The following MEGF8 variants were observed in gnomAD, a reference collection of about 807,000 sequenced individuals.
The protein encoded by MEGF8 is multiple epidermal growth factor-like domains protein 8.
Under a neutral mutation model 302.9 loss-of-function variants are expected in MEGF8, and 156 were observed. That is an observed-to-expected ratio of 0.52 (90% CI 0.45 to 0.59). The LOEUF (loss-of-function observed/expected upper bound fraction) is 0.59, where lower values mean the gene tolerates loss of function less well. Among genes scored for constraint, MEGF8 ranks in the 20% least tolerant of loss-of-function variants. MEGF8 has a pLI of 0.00. For synonymous variants in MEGF8, 1,621 were observed against 1,660.5 expected, an observed-to-expected ratio of 0.98 and a Z score of 0.58; for missense variants, 3,345 against 3,964.5, an observed-to-expected ratio of 0.84 and a Z score of 4.20.
In MEGF8 at chr19:42,351,648, T is replaced by C. The variant is rs935216438; in HGVS notation, c.2988T>C (p.Ser996=). Residue 996 remains serine (S), a splice_region_variant and synonymous_variant, in exon 18 of 42, where the codon AGT becomes AGC. Coordinates refer to ENST00000251268, the MANE Select transcript of MEGF8 (RefSeq NM_001271938.2). The surrounding 1 kb of genome is among the most constrained non-coding windows in gnomAD (Gnocchi z 5.6). The part of the protein sequence containing the change: ...PHGGCRGWDD[S]VHSEPRCRSC... ...GACCCCCACCCCTGCCATCCTGCAG[T>C]GTACACTCGGAGCCACGGTGCCGGA... is the stretch of plus-strand genomic sequence containing the variant. 8 of 1,590,060 alleles carry C rather than the reference T, an allele frequency of 5.0e-6. No homozygotes were observed. Among genetic ancestry groups the C allele is most frequent in the African/African-American group, 1.3e-5 (1 of 74,310 alleles).
Position 42,376,578 on chromosome 19 carries a change from G to T in MEGF8, c.8341G>T (p.Ala2781Ser). The T allele has an allele frequency of 1.3e-6, 2 of 1,551,806 alleles. No individual in the cohort carries two copies. Among genetic ancestry groups the T allele is most frequent in the East Asian group, 2.4e-5 (1 of 41,192 alleles). The change falls in exon 42 of 42, where the codon GCC (alanine) becomes TCC (serine). Residue 2781 changes from alanine to serine, a missense_variant. Physicochemically the swap from Ala to Ser is moderately conservative, Grantham distance 99 (BLOSUM62 1). Transcript: ENST00000251268. The surrounding 1 kb of genome is among the most constrained non-coding windows in gnomAD (Gnocchi z 8.2). Reference sequence around the variant, plus strand: ...CACAGAAGATGGCATGGCTGGCGTGGCCACACTGCTGCTCCAGCTGCCTGG... The same window carrying T: ...CACAGAAGATGGCATGGCTGGCGTGTCCACACTGCTGCTCCAGCTGCCTGG... Reference protein sequence around the residue: ...EPTEDGMAGVATLLLQLPGGP... With the variant: ...EPTEDGMAGVSTLLLQLPGGP...
Position 42,357,479 on chromosome 19 carries a change from G to C in MEGF8, c.4906G>C (p.Val1636Leu). Residue 1636 changes from valine (V) to leucine (L), a missense_variant, in exon 28 of 42, where the codon GTG becomes CTG. By Grantham distance (32) the Val-to-Leu change is conservative. Coordinates refer to ENST00000251268, the MANE Select transcript of MEGF8 (RefSeq NM_001271938.2). The surrounding 1 kb of genome is among the most constrained non-coding windows in gnomAD (Gnocchi z 5.2). Reference sequence around the variant, plus strand: ...CCGCCGAGGCCTGTCTCTGCTCCTGGTGGGCGGTTACTCCCCGGAAAATGG... The same window carrying C: ...CCGCCGAGGCCTGTCTCTGCTCCTGCTGGGCGGTTACTCCCCGGAAAATGG... ...TARRGLSLLLVGGYSPENGFN... is the reference protein window; with the variant it reads ...TARRGLSLLLLGGYSPENGFN... The C allele has an allele frequency of 6.2e-7, 1 of 1,613,818 alleles. No individual in the cohort carries two copies. The highest frequency in any genetic ancestry group is 1.3e-5 in the African/African-American group (1 of 75,020).
chr19:42,374,143 C>T (rs2039731997), intron 41 of MEGF8, among the ~76,000 whole-genome samples: 1 of 152,028 alleles, frequency 6.6e-6, no homozygotes, highest in African/African-American at 2.4e-5. Context: ...TGTGCTGGGG[C>T]CTCAGTGGGG....
chr19:42,326,832 G>T (rs2038990968), intron 1 of MEGF8, among the ~76,000 whole-genome samples: 4 of 148,030 alleles, frequency 2.7e-5, no homozygotes. Context: ...CTGCAGCCTC[G>T]ACCTCCTGGG....
Position 42,344,712 on chromosome 19 carries a change from G to T in MEGF8, c.1976G>T (p.Gly659Val), listed in dbSNP as rs1382940554. The change falls in exon 12 of 42, where the codon GGC (glycine) becomes GTC (valine). Residue 659 changes from glycine to valine, a missense_variant. Coordinates refer to ENST00000251268, the MANE Select transcript of MEGF8 (RefSeq NM_001271938.2). This position sits in a 1 kb window ranked among gnomAD's most constrained non-coding sequence, Gnocchi z 4.5. ...GGGGAGCAGATCTCAGGCACTGTGG[G>T]CTGGTGGGGGCCTGCGCCTGTCTTC... ...CRGEQISGTV[G>V]WWGPAPVFVT... 1 of 1,608,036 alleles carries T rather than the reference G, an allele frequency of 6.2e-7. No homozygotes were observed. Among genetic ancestry groups the T allele is most frequent in the Non-Finnish European group, 8.5e-7 (1 of 1,176,826 alleles).
chr19:42,363,373 C>A (rs1238356973), intron 35 of MEGF8, 111 bp downstream of exon 35: 4 of 914,758 alleles, frequency 4.4e-6, no homozygotes, highest in Admixed American at 2.3e-5. Context: ...CTCCTTCCAT[C>A]TCCCTGGCTC....
At chr19:42,333,859 G>T in intron 2 of MEGF8, 91 bp downstream of exon 2, 1 of 1,555,616 alleles carries the variant, frequency 6.4e-7, no homozygotes, top group South Asian at 1.2e-5. Context: ...TCCAAGAGCA[G>T]AGCACAGGGA....
intron 1 of MEGF8, 112 bp from the exon 2 acceptor site, chr19:42,333,492 TG>T (rs1438671209): frequency 5.7e-6 from 7 of 1,222,898 alleles, no homozygotes; most frequent in Non-Finnish European, 6.8e-6. Context: ...GACTCATTCT[TG>T]AGCCCCCAGC....
rs1600033905 is a variant in MEGF8 at position 42,344,689 on chromosome 19, G to A, written c.1953G>A (p.Gly651=). The change falls in exon 12 of 42, where the codon GGG becomes GGA. Residue 651 remains glycine (G), a synonymous_variant. Transcript: ENST00000251268. This position sits in a 1 kb window ranked among gnomAD's most constrained non-coding sequence, Gnocchi z 4.5. The stretch of plus-strand genomic sequence containing the variant: ...TCTCAGAGCAGGCCCGCTGCCGAGG[G>A]GAGCAGATCTCAGGCACTGTGGGCT... ...LPRPEQARCR[G]EQISGTVGWW... 1 of 1,591,604 alleles carries A rather than the reference G, an allele frequency of 6.3e-7. No homozygotes were observed. The highest frequency in any genetic ancestry group is 8.6e-7 in the Non-Finnish European group (1 of 1,166,852).
rs957334053 is a variant in MEGF8, at chr19:42,357,675, G to A, written c.5011+91G>A. 2 of 1,185,670 alleles carry A rather than the reference G, an allele frequency of 1.7e-6. No homozygotes were observed. The highest frequency in any genetic ancestry group is 3.1e-5 in the African/African-American group (2 of 65,304). The allele number at this position is 1,185,670 out of a possible 1,614,324, so 73.4% of individuals were successfully genotyped here. A position where few individuals can be genotyped will look rare whatever the true frequency, so the allele number is the denominator to read the frequency against. ...CTCTCCATCCACTGCTGTGCTCTGTGGCCACCTGTCTCCCTCTCTTTCCCA... is the reference window on the plus strand; with the variant it reads ...CTCTCCATCCACTGCTGTGCTCTGTAGCCACCTGTCTCCCTCTCTTTCCCA... On this transcript the variant is annotated intron_variant, in intron 28 of 41. Coordinates refer to ENST00000251268, the MANE Select transcript of MEGF8 (RefSeq NM_001271938.2). This position sits in a 1 kb window ranked among gnomAD's most constrained non-coding sequence, Gnocchi z 5.2.
chr19:42,333,548 G>A, intron 1 of MEGF8, 57 bp from the exon 2 acceptor site: 1 of 1,541,734 alleles, frequency 6.5e-7, no homozygotes, highest in Non-Finnish European at 8.9e-7. Flanking sequence ...GAGGCTGCAG[G>A]GAGGTGTGGG....
chr19:42,336,335 C>A lies in MEGF8; in HGVS notation c.1233C>A (p.Pro411=). The A allele has an allele frequency of 6.3e-7, 1 of 1,596,458 alleles. No individual in the cohort carries two copies. The change falls in exon 6 of 42, where the codon CCC becomes CCA. Residue 411 remains proline (P), a synonymous_variant. Coordinates refer to ENST00000251268, the MANE Select transcript of MEGF8 (RefSeq NM_001271938.2). This position sits in a 1 kb window ranked among gnomAD's most constrained non-coding sequence, Gnocchi z 4.8. ...RALLVHGGHR[P]STARFSVRVN... ...TGCTGGTCCATGGTGGACACCGGCC[C>A]TCCACTGCCCGGTAAGTGACCTGTC...
chr19:42,337,506 CTT>C (rs908319656), intron 8 of MEGF8, among the ~76,000 whole-genome samples: 14 of 135,832 alleles, frequency 1.0e-4, no homozygotes, highest in African/African-American at 8.2e-5. Context: ...CTTTTCTTTT[CTT>C]TTTTTTTTTT....
Position 42,369,831 on chromosome 19 carries a change from G to A in MEGF8, c.6834+108G>A. ...CTCATCCTGAGCCCTGATAAGCCAG[G>A]GACAGATAAGCCAGAGCCCTGTCCC... On this transcript the variant is annotated intron_variant, in intron 38 of 41. Transcript: ENST00000251268. This position sits in a 1 kb window ranked among gnomAD's most constrained non-coding sequence, Gnocchi z 5.7. The A allele has an allele frequency of 2.4e-6, 3 of 1,252,820 alleles. No individual in the cohort carries two copies. Among genetic ancestry groups the A allele is most frequent in the Non-Finnish European group, 2.2e-6 (2 of 913,430 alleles). The allele number at this position is 1,252,820 out of a possible 1,614,324, so 77.6% of individuals were successfully genotyped here.
intron 23 of MEGF8, 74 bp from the exon 24 acceptor site, chr19:42,355,684 T>G: frequency 6.8e-7 from 1 of 1,473,350 alleles, no homozygotes; most frequent in Non-Finnish European, 9.0e-7. Context: ...TCACACTGGG[T>G]TTTCTTAGCA....
chr19:42,334,495 C>A (rs2039098311), intron 3 of MEGF8, among the ~76,000 whole-genome samples: 1 of 152,152 alleles, frequency 6.6e-6, no homozygotes, highest in Admixed American at 6.5e-5. Context: ...CAGCCAGGCC[C>A]AAATCTGTCC....
Position 42,333,595 on chromosome 19 carries a change from C to T in MEGF8, c.188-10C>T, listed in dbSNP as rs372486229. On this transcript the variant is annotated splice_polypyrimidine_tract_variant and intron_variant, in intron 1 of 41. Transcript: ENST00000251268. ...CTTTAGAGCTTGGTCCCTCTGTGCTCACCTCCCAGCCCCAAGCCCCCAGCA... is the reference window on the plus strand; with the variant it reads ...CTTTAGAGCTTGGTCCCTCTGTGCTTACCTCCCAGCCCCAAGCCCCCAGCA... The T allele has an allele frequency of 1.2e-6, 2 of 1,612,206 alleles. No individual in the cohort carries two copies. Among genetic ancestry groups the T allele is most frequent in the Non-Finnish European group, 1.7e-6 (2 of 1,178,788 alleles).
At position 42,351,843 on chromosome 19, in the gene MEGF8, C is replaced by A; in HGVS notation, c.3101+82C>A. 8.3e-7 allele frequency: 1 copy of A among 1,205,432 alleles called. No individual in the cohort carries two copies. The highest frequency in any genetic ancestry group is 1.2e-6 in the Non-Finnish European group (1 of 839,176). The allele number at this position is 1,205,432 out of a possible 1,614,324, so 74.7% of individuals were successfully genotyped here. A position where few individuals can be genotyped will look rare whatever the true frequency, so the allele number is the denominator to read the frequency against. ...GGTCATTCTAATGGCCTCTTTGCTT[C>A]TCTGCCCTCTTGCCCATCCCATGGC... On this transcript the variant is annotated intron_variant, in intron 18 of 41. Transcript: ENST00000251268. This position sits in a 1 kb window ranked among gnomAD's most constrained non-coding sequence, Gnocchi z 5.6.
chr19:42,361,037 G>T, intron 32 of MEGF8, 31 bp downstream of exon 32: 1 of 1,524,050 alleles, frequency 6.6e-7, no homozygotes, highest in Admixed American at 2.1e-5. Flanking sequence ...AGGCAGTGGG[G>T]AGTGGAGCCC....
Sources: gnomAD v4.1 joint callset for allele counts (sites outside exome capture counted in the v4.1 genomes callset) on GRCh38, gnomAD v4.1.1 for gene constraint, Gnocchi (gnomAD v3.1) non-coding constraint, MANE v1.5 for transcripts, NCBI Gene and HGNC (gene_info 2026-07-23, HGNC 2026-07-21) for gene names.